GRM7: variants seen among roughly 807,000 people sequenced by gnomAD.
GRM7 encodes the protein metabotropic glutamate receptor 7.
A neutral mutation model predicts 84.5 loss-of-function variants in GRM7; 35 were observed. The observed-to-expected ratio is 0.41, with a 90% CI of 0.32 to 0.55. The LOEUF (loss-of-function observed/expected upper bound fraction) is 0.55, where lower values mean the gene tolerates loss of function less well. GRM7 is among the 20% of genes least tolerant of loss of function. GRM7 has a pLI of 0.19. For synonymous variants in GRM7, 487 were observed against 455.1 expected (o/e 1.07, Z -0.89); for missense variants, 1,003 against 1,194.6 (o/e 0.84, Z 2.36).
At chr3:6,898,435 G>A (rs986432169) in intron 1 of GRM7, among the ~76,000 whole-genome samples, 5 of 150,404 alleles carry the variant, frequency 3.3e-5, no homozygotes, top group African/African-American at 4.9e-5. Context: ...GGCAGAGCAC[G>A]TGGTAGAAAC....
intron 1 of GRM7, among the ~76,000 whole-genome samples, chr3:7,136,241 A>G (rs572711775): frequency 6.4e-4 from 97 of 151,770 alleles, no homozygotes; most frequent in African/African-American, 2.2e-3. Flanking sequence ...TAAAATGAGG[A>G]CCCAAGACCA....
At chr3:7,725,158 TA>T (rs1373569557) in intron 9 of GRM7, among the ~76,000 whole-genome samples, 2 of 151,970 alleles carry the variant, frequency 1.3e-5, no homozygotes, top group South Asian at 2.1e-4. Context: ...TGACAAAAAA[TA>T]AGCTGTAGTT....
intron 1 of GRM7, among the ~76,000 whole-genome samples, chr3:6,950,131 CT>C (rs1160548134): frequency 2.6e-5 from 4 of 152,186 alleles, no homozygotes; most frequent in African/African-American, 9.6e-5. Flanking sequence ...GAGAGGCACT[CT>C]GATTTTTAGA....
rs191375278 is a variant in GRM7 at position 7,516,455 on chromosome 3, C to T, written c.1515+54733C>T. 6.8e-3 allele frequency among the ~76,000 whole-genome samples: 761 copies of T among 111,356 alleles called. 4 individuals carry two copies. Among genetic ancestry groups the T allele is most frequent in the Non-Finnish European group, 0.01 (601 of 59,802 alleles). 73.1% of individuals were successfully genotyped at this position (111,356 alleles called of 152,430 possible). ...TCGTGCCCCTGCACTCCAGCCTGGG[C>T]GGCAGAGCGAGACTCCCTCTCAAAA... On this transcript the variant is annotated intron_variant, in intron 7 of 9. Transcript: ENST00000357716.
intron 7 of GRM7, among the ~76,000 whole-genome samples, chr3:7,577,257 C>T (rs986517872): frequency 1.3e-5 from 2 of 152,118 alleles, no homozygotes; most frequent in African/African-American, 4.8e-5. Flanking sequence ...CACCTGGGAT[C>T]GTGTTAAAAA....
At chr3:7,458,462 G>A (rs1382916161) in intron 6 of GRM7, among the ~76,000 whole-genome samples, 4 of 152,156 alleles carry the variant, frequency 2.6e-5, no homozygotes, top group Admixed American at 2.6e-4. Flanking sequence ...ATTAAAAACT[G>A]GAAATAATAA....
intron 5 of GRM7, among the ~76,000 whole-genome samples, chr3:7,417,104 A>G (rs1291200191): frequency 6.6e-6 from 1 of 152,134 alleles, no homozygotes; most frequent in Admixed American, 6.6e-5. Context: ...ACAAACTAGT[A>G]AGGTCATTAT....
At chr3:7,141,511 T>A (rs1360894971) in intron 1 of GRM7, among the ~76,000 whole-genome samples, 4 of 152,072 alleles carry the variant, frequency 2.6e-5, no homozygotes, top group African/African-American at 9.7e-5. Context: ...CTACCCAAAT[T>A]TATTTATAGC....
At chr3:7,084,178 G>A (rs116195932) in intron 1 of GRM7, among the ~76,000 whole-genome samples, 1,564 of 152,194 alleles carry the variant, frequency 0.01, 29 homozygotes, top group African/African-American at 0.035. Flanking sequence ...GGGAGCGAGG[G>A]CTGAAAAGGA....
chr3:7,062,128 A>G (rs901008779), intron 1 of GRM7, among the ~76,000 whole-genome samples: 1 of 151,752 alleles, frequency 6.6e-6, no homozygotes, highest in Admixed American at 6.6e-5. Flanking sequence ...AAATTTCAAG[A>G]AAAGAAAAAT....
chr3:7,590,803 C>G (rs1468763525), intron 8 of GRM7, among the ~76,000 whole-genome samples: 1 of 152,182 alleles, frequency 6.6e-6, no homozygotes, highest in African/African-American at 2.4e-5. Context: ...CTAAAGGGAG[C>G]TCCACCCCAG....
chr3:7,021,548 G>A (rs1695775619), intron 1 of GRM7, among the ~76,000 whole-genome samples: 2 of 152,166 alleles, frequency 1.3e-5, no homozygotes, highest in Non-Finnish European at 2.9e-5. Context: ...TTCTGCCCAG[G>A]ACTCACTTGG....
chr3:7,429,832 A>G (rs1371090878), intron 5 of GRM7, among the ~76,000 whole-genome samples: 2 of 152,228 alleles, frequency 1.3e-5, no homozygotes, highest in Non-Finnish European at 2.9e-5. Context: ...AGCAATGCCT[A>G]ATTTTTCCTT....
In GRM7 at chr3:7,542,555, T is replaced by C. The variant is rs1265527117; in HGVS notation, c.1516-35867T>C. On this transcript the variant is annotated intron_variant, in intron 7 of 9. Coordinates refer to ENST00000357716, the MANE Select transcript of GRM7 (RefSeq NM_000844.4). ...CCCTGAGTTTCATGCATAGCAATTT[T>C]TTTTTTTTTTTTTGACAGAGTCTCA... 2.7e-5 allele frequency among the ~76,000 whole-genome samples: 4 copies of C among 150,364 alleles called. No homozygotes were observed. In the South Asian group the frequency reaches 8.5e-4, roughly 32 times the overall value.
intron 1 of GRM7, among the ~76,000 whole-genome samples, chr3:6,952,191 C>T (rs549942808): frequency 6.6e-6 from 1 of 152,254 alleles, no homozygotes; most frequent in East Asian, 1.9e-4. Flanking sequence ...TAGGAAGGAA[C>T]AGAATCATAT....
At chr3:7,134,121 G>T (rs901167952) in intron 1 of GRM7, among the ~76,000 whole-genome samples, 1 of 152,056 alleles carries the variant, frequency 6.6e-6, no homozygotes. Flanking sequence ...TCATTTTGTA[G>T]GTATTTCATC....
At chr3:7,015,424 A>G (rs1695529443) in intron 1 of GRM7, among the ~76,000 whole-genome samples, 1 of 152,244 alleles carries the variant, frequency 6.6e-6, no homozygotes. Flanking sequence ...GGATTAATGC[A>G]TGCTATGACA....
At chr3:7,602,080 CAAAAAAAAAAA>C (rs562646639) in intron 8 of GRM7, among the ~76,000 whole-genome samples, 44 of 93,804 alleles carry the variant, frequency 4.7e-4, no homozygotes, top group South Asian at 1.2e-3. Flanking sequence ...ATTACCAGGA[CAAAAAAAAAAA>C]AAAAAAAAAA....
intron 2 of GRM7, among the ~76,000 whole-genome samples, chr3:7,159,734 A>G (rs1694565218): frequency 6.6e-6 from 1 of 152,144 alleles, no homozygotes; most frequent in Admixed American, 6.6e-5. Context: ...AGTGATGCCT[A>G]TCTGTCTGTG....
Sources: gnomAD v4.1 joint callset for allele counts (sites outside exome capture counted in the v4.1 genomes callset) on GRCh38, gnomAD v4.1.1 for gene constraint, MANE v1.5 for transcripts, NCBI Gene and HGNC (gene_info 2026-07-23, HGNC 2026-07-21) for gene names.